The following TMPRSS13 variants were observed in gnomAD, a reference collection of about 807,000 sequenced individuals.
The protein encoded by TMPRSS13 is transmembrane protease serine 13.
Under a neutral mutation model 68.4 loss-of-function variants are expected in TMPRSS13, and 50 were observed. The ratio of observed to expected loss-of-function variants is 0.73; its 90% CI spans 0.58 to 0.93. The LOEUF (loss-of-function observed/expected upper bound fraction) is 0.93, where lower values mean the gene tolerates loss of function less well. Among genes scored for constraint, TMPRSS13 ranks in the 40% least tolerant of loss-of-function variants. The probability of loss-of-function intolerance (pLI) is 0.00; values close to 1 mark genes in which losing one functional copy is unlikely to be tolerated. For synonymous variants in TMPRSS13, 267 were observed against 285.8 expected (o/e 0.93, Z 0.66); for missense variants, 615 against 729.2 (o/e 0.84, Z 1.80).
chr11:117,909,692 G>A, intron 8 of TMPRSS13, 114 bp downstream of exon 8: 2 of 1,312,350 alleles, frequency 1.5e-6, no homozygotes, highest in East Asian at 2.5e-5. Context: ...TGGCCCATGG[G>A]GGCTGGACTC....
Position 117,917,210 on chromosome 11 carries a change from C to G in TMPRSS13, c.516G>C (p.Val172=). 1.2e-6 allele frequency: 2 copies of G among 1,613,016 alleles called. No homozygotes were observed. The highest frequency in any genetic ancestry group is 1.7e-6 in the Non-Finnish European group (2 of 1,180,022). The change falls in exon 3 of 13, where the codon GTG becomes GTC. Residue 172 remains valine, a synonymous_variant. Transcript: ENST00000524993. ...GQKQLPLIGC[V]LLLIALVVSL... Reference sequence around the variant, plus strand: ...AAACCACCAGGGCAATGAGGAGGAGCACGCACCCGATGAGCGGTAGCTGCT... The same window carrying G: ...AAACCACCAGGGCAATGAGGAGGAGGACGCACCCGATGAGCGGTAGCTGCT...
At chr11:117,907,731 T>C in intron 9 of TMPRSS13, 1 of 889,408 alleles carries the variant, frequency 1.1e-6, no homozygotes, top group South Asian at 5.1e-5. Flanking sequence ...CCAGGATGAT[T>C]AGTTGCTCCC....
At chr11:117,917,372 G>A (rs963885320) in intron 2 of TMPRSS13, 98 bp from the exon 3 acceptor site, 109 of 837,148 alleles carry the variant, frequency 1.3e-4, no homozygotes, top group Admixed American at 2.6e-4. Flanking sequence ...GGAGGGCCCC[G>A]TGAGGACCAC....
Position 117,914,031 on chromosome 11 carries a change from G to A in TMPRSS13, c.680-125C>T, listed in dbSNP as rs148761571. ...GACAGCACTCCTTGCTGAGGCCTGGGAAAAGTCCAGGAACATGGCCTGGGT... is the reference window on the plus strand; with the variant it reads ...GACAGCACTCCTTGCTGAGGCCTGGAAAAAGTCCAGGAACATGGCCTGGGT... On this transcript the variant is annotated intron_variant, in intron 4 of 12. Coordinates refer to ENST00000524993, the MANE Select transcript of TMPRSS13 (RefSeq NM_001077263.3). This position sits in a 1 kb window ranked among gnomAD's most constrained non-coding sequence, Gnocchi z 4.2. 472 of 1,178,038 alleles carry A rather than the reference G, an allele frequency of 4.0e-4. 2 individuals carry two copies. In the African/African-American group the frequency reaches 6.7e-3, roughly 17 times the overall value. 73.0% of individuals were successfully genotyped at this position (1,178,038 alleles called of 1,614,324 possible).
chr11:117,916,358 G>T (rs2057578172), intron 3 of TMPRSS13, among the ~76,000 whole-genome samples: 1 of 152,140 alleles, frequency 6.6e-6, no homozygotes, highest in Non-Finnish European at 1.5e-5. Context: ...GGGCATAATT[G>T]CTGTCCCACC....
intron 10 of TMPRSS13, among the ~76,000 whole-genome samples, chr11:117,904,943 G>C (rs2057449108): frequency 6.9e-6 from 1 of 144,196 alleles, no homozygotes; most frequent in Non-Finnish European, 1.5e-5. Context: ...ACCCAGGCTA[G>C]AGTGCAGTGG....
Position 117,914,248 on chromosome 11 carries a change from T to C in TMPRSS13, c.679+144A>G. The C allele has an allele frequency of 8.9e-7, 1 of 1,127,012 alleles. No individual in the cohort carries two copies. The highest frequency in any genetic ancestry group is 1.3e-6 in the Non-Finnish European group (1 of 771,954). The allele number at this position is 1,127,012 out of a possible 1,614,324, so 69.8% of individuals were successfully genotyped here. A position where few individuals can be genotyped will look rare whatever the true frequency, so the allele number is the denominator to read the frequency against. Reference sequence around the variant, plus strand: ...ACACATACGTGCACACACACATACATGCATACACACAAACATGCACATACA... The same window carrying C: ...ACACATACGTGCACACACACATACACGCATACACACAAACATGCACATACA... On this transcript the variant is annotated intron_variant, in intron 4 of 12. Coordinates refer to ENST00000524993, the MANE Select transcript of TMPRSS13 (RefSeq NM_001077263.3). This position sits in a 1 kb window ranked among gnomAD's most constrained non-coding sequence, Gnocchi z 4.2.
chr11:117,921,184 C>T (rs1424093150), intron 1 of TMPRSS13, among the ~76,000 whole-genome samples: 2 of 152,162 alleles, frequency 1.3e-5, no homozygotes, highest in Non-Finnish European at 2.9e-5. Flanking sequence ...AGATTCTAAC[C>T]AGGCCTGCTT....
chr11:117,905,724 G>T lies in TMPRSS13; in HGVS notation c.1295C>A (p.Pro432His). The T allele has an allele frequency of 6.3e-7, 1 of 1,599,642 alleles. No homozygotes were observed. Among genetic ancestry groups the T allele is most frequent in the South Asian group, 1.1e-5 (1 of 88,774 alleles). ...CTGTCCATGCATGGGGAGGCAAGCA[G>T]GGTGGATGTGAGCTGCAACAAGACC... The part of the protein sequence containing the change: ...KPLTLSAHIH[P>H]ACLPMHGQTF... Residue 432 changes from proline to histidine, a missense_variant, in exon 10 of 13, where the codon CCT becomes CAT. Pro to His is a moderately conservative substitution (Grantham distance 77). Coordinates refer to ENST00000524993, the MANE Select transcript of TMPRSS13 (RefSeq NM_001077263.3).
Position 117,908,737 on chromosome 11 carries a change from C to T in TMPRSS13, c.1157G>A (p.Ser386Asn), listed in dbSNP as rs1180531872. The change falls in exon 9 of 13, where the codon AGC (serine) becomes AAC (asparagine). Residue 386 changes from serine to asparagine, a missense_variant. Coordinates refer to ENST00000524993, the MANE Select transcript of TMPRSS13 (RefSeq NM_001077263.3). Reference protein sequence around the residue: ...LEGWKVYAGTSNLHQLPEAAS... With the variant: ...LEGWKVYAGTNNLHQLPEAAS... ...TGCCTCAGGCAACTGGTGCAGGTTG[C>T]TGGTGCCCGCGTACACCTTCCAGCC... 1.2e-6 allele frequency: 2 copies of T among 1,609,234 alleles called. No individual in the cohort carries two copies. Among genetic ancestry groups the T allele is most frequent in the African/African-American group, 1.3e-5 (1 of 74,900 alleles).
intron 1 of TMPRSS13, among the ~76,000 whole-genome samples, chr11:117,921,144 C>A (rs1241027150): frequency 6.6e-6 from 1 of 152,120 alleles, no homozygotes; most frequent in Non-Finnish European, 1.5e-5. Flanking sequence ...AGAACATGCC[C>A]AAATTCACAC....
intron 9 of TMPRSS13, chr11:117,907,354 A>T (rs1178410981): frequency 6.6e-6 from 1 of 152,302 alleles, no homozygotes; most frequent in Non-Finnish European, 1.5e-5. Context: ...AGTGGGTGTG[A>T]CGCTGCGTGG....
At chr11:117,926,658 C>T (rs371710699) in intron 1 of TMPRSS13, among the ~76,000 whole-genome samples, 1 of 152,202 alleles carries the variant, frequency 6.6e-6, no homozygotes, top group Non-Finnish European at 1.5e-5. Context: ...TTGTCAAGAA[C>T]AAATCTGGTG....
At chr11:117,921,700 T>A (rs1170993435) in intron 1 of TMPRSS13, among the ~76,000 whole-genome samples, 1 of 151,896 alleles carries the variant, frequency 6.6e-6, no homozygotes, top group African/African-American at 2.4e-5. Context: ...AGGCCCTGGG[T>A]CTGGGGGTAT....
At chr11:117,916,791 C>T (rs1436323527) in intron 3 of TMPRSS13, among the ~76,000 whole-genome samples, 1 of 152,074 alleles carries the variant, frequency 6.6e-6, no homozygotes, top group African/African-American at 2.4e-5. Flanking sequence ...TTATTTATTC[C>T]TCATAATCTA....
chr11:117,903,950 T>C lies in TMPRSS13; in HGVS notation c.1524+9A>G. The C allele has an allele frequency of 6.2e-7, 1 of 1,610,018 alleles. No homozygotes were observed. Among genetic ancestry groups the C allele is most frequent in the Non-Finnish European group, 8.5e-7 (1 of 1,178,322 alleles). ...CTGGGACCTGAGCCCCACCCACAGGTACCCTCACCTGGCAGGAGTCTCTGC... is the reference window on the plus strand; with the variant it reads ...CTGGGACCTGAGCCCCACCCACAGGCACCCTCACCTGGCAGGAGTCTCTGC... On this transcript the variant is annotated intron_variant, in intron 11 of 12. Transcript: ENST00000524993.
intron 8 of TMPRSS13, 134 bp downstream of exon 8, chr11:117,909,672 C>A: frequency 9.3e-7 from 1 of 1,072,034 alleles, no homozygotes; most frequent in Non-Finnish European, 1.3e-6. Context: ...CAAGCTACAC[C>A]AGTGCCAACT....
At chr11:117,909,779 C>G (rs1440752708) in intron 8 of TMPRSS13, 27 bp downstream of exon 8, 1 of 1,597,042 alleles carries the variant, frequency 6.3e-7, no homozygotes, top group Non-Finnish European at 8.5e-7. Context: ...TGGGCAGTGT[C>G]AAATCACCTG....
chr11:117,909,185 G>T (rs1163937916), intron 8 of TMPRSS13, among the ~76,000 whole-genome samples: 1 of 152,166 alleles, frequency 6.6e-6, no homozygotes. Context: ...GACTAGGGAT[G>T]GGGACACAGA....
Sources: gnomAD v4.1 joint callset for allele counts (sites outside exome capture counted in the v4.1 genomes callset) on GRCh38, gnomAD v4.1.1 for gene constraint, Gnocchi (gnomAD v3.1) non-coding constraint, MANE v1.5 for transcripts, NCBI Gene and HGNC (gene_info 2026-07-23, HGNC 2026-07-21) for gene names.